MEIS2: variants seen among roughly 807,000 people sequenced by gnomAD.
MEIS2 encodes homeobox protein Meis2.
In MEIS2, 9 loss-of-function variants were observed where a neutral mutation model predicts 58.6. That is an observed-to-expected ratio of 0.15 (90% CI 0.09 to 0.27). The LOEUF is 0.27. Among genes scored for constraint, MEIS2 ranks in the 10% least tolerant of loss-of-function variants. MEIS2 has a pLI of 1.00. For missense variants in MEIS2, 427 were observed against 635.0 expected (o/e 0.67, Z 3.52); for synonymous variants, 221 against 228.4 (o/e 0.97, Z 0.29).
chr15:36,979,541 A>G (rs1364136066), intron 8 of MEIS2, among the ~76,000 whole-genome samples: 1 of 151,880 alleles, frequency 6.6e-6, no homozygotes, highest in South Asian at 2.1e-4. Flanking sequence ...CTTTTTTTTC[A>G]TGGTTACTGA....
chr15:37,042,257 T>C (rs547662663), intron 7 of MEIS2, among the ~76,000 whole-genome samples: 1 of 152,174 alleles, frequency 6.6e-6, no homozygotes, highest in Non-Finnish European at 1.5e-5. Flanking sequence ...AAGCACATGA[T>C]TTGGAATGAA....
chr15:37,045,873 A>T (rs1316587609), intron 7 of MEIS2, among the ~76,000 whole-genome samples: 1 of 152,252 alleles, frequency 6.6e-6, no homozygotes, highest in Non-Finnish European at 1.5e-5. Flanking sequence ...AAGAGAGGAC[A>T]GTGACCCAGG....
At chr15:36,981,836 A>T (rs1352583799) in intron 8 of MEIS2, among the ~76,000 whole-genome samples, 1 of 152,098 alleles carries the variant, frequency 6.6e-6, no homozygotes, top group Non-Finnish European at 1.5e-5. Flanking sequence ...AAGGCAGAGA[A>T]TGGGCAAATT....
At chr15:36,896,486 G>C in intron 10 of MEIS2, 142 bp downstream of exon 10, 1 of 556,572 alleles carries the variant, frequency 1.8e-6, no homozygotes, top group Non-Finnish European at 3.1e-6. Flanking sequence ...GCTTCCTTGA[G>C]TGGGATTCTG....
intron 9 of MEIS2, among the ~76,000 whole-genome samples, chr15:36,939,904 C>T (rs185624797): frequency 2.6e-5 from 4 of 152,126 alleles, no homozygotes; most frequent in African/African-American, 9.7e-5. Context: ...GTAAGCTTTC[C>T]TTCTGTGGCC....
At chr15:36,908,506 T>TA (rs2056849898) in intron 9 of MEIS2, among the ~76,000 whole-genome samples, 2 of 152,222 alleles carry the variant, frequency 1.3e-5, no homozygotes, top group Non-Finnish European at 2.9e-5. Flanking sequence ...AAACACACTG[T>TA]ACGGCAATTT....
chr15:36,959,920 C>T (rs539283941), intron 8 of MEIS2, among the ~76,000 whole-genome samples: 1 of 152,082 alleles, frequency 6.6e-6, no homozygotes, highest in East Asian at 1.9e-4. Flanking sequence ...GACAACAATC[C>T]TACTTAACAG....
chr15:37,044,611 C>A (rs1264503543), intron 7 of MEIS2, among the ~76,000 whole-genome samples: 2 of 152,134 alleles, frequency 1.3e-5, no homozygotes, highest in Non-Finnish European at 2.9e-5. Context: ...TTCTTTCCTC[C>A]TTTCCCATTC....
At chr15:37,047,729 A>G (rs1016283299) in intron 7 of MEIS2, among the ~76,000 whole-genome samples, 16 of 152,196 alleles carry the variant, frequency 1.1e-4, no homozygotes, top group South Asian at 4.1e-4. Flanking sequence ...CCTACAGAAG[A>G]AAAAAGGTGG....
intron 8 of MEIS2, among the ~76,000 whole-genome samples, chr15:36,973,941 G>A (rs940802036): frequency 3.3e-5 from 5 of 152,062 alleles, no homozygotes; most frequent in Admixed American, 6.5e-5. Flanking sequence ...TTGTACTTAC[G>A]TATTTCTAAA....
intron 8 of MEIS2, among the ~76,000 whole-genome samples, chr15:36,952,240 G>C (rs2058776857): frequency 6.6e-6 from 1 of 151,788 alleles, no homozygotes; most frequent in African/African-American, 2.4e-5. Context: ...ACACTGGTTG[G>C]GGTGGGAGGG....
chr15:36,943,207 A>G (rs2058435776), intron 9 of MEIS2, among the ~76,000 whole-genome samples: 1 of 152,148 alleles, frequency 6.6e-6, no homozygotes, highest in African/African-American at 2.4e-5. Context: ...CTTTTAAATC[A>G]TGCAACCCAC....
intron 7 of MEIS2, among the ~76,000 whole-genome samples, chr15:37,042,622 T>C (rs2062475806): frequency 6.6e-6 from 1 of 152,210 alleles, no homozygotes; most frequent in African/African-American, 2.4e-5. Flanking sequence ...CAATGGCAGA[T>C]CCAAACAATG....
chr15:36,998,402 G>A (rs2060605910), intron 8 of MEIS2, among the ~76,000 whole-genome samples: 1 of 151,584 alleles, frequency 6.6e-6, no homozygotes, highest in South Asian at 2.1e-4. Context: ...TTTACTTTTT[G>A]TAGAGATGGG....
At chr15:36,932,520 G>A (rs2058020423) in intron 9 of MEIS2, among the ~76,000 whole-genome samples, 1 of 151,870 alleles carries the variant, frequency 6.6e-6, no homozygotes, top group Non-Finnish European at 1.5e-5. Context: ...TTTAAGATTA[G>A]TTAACATATT....
At chr15:37,031,945 C>G (rs1595969479) in intron 8 of MEIS2, among the ~76,000 whole-genome samples, 1 of 151,340 alleles carries the variant, frequency 6.6e-6, no homozygotes, top group African/African-American at 2.4e-5. Flanking sequence ...CTCAAATGAT[C>G]TTCCCACCTT....
intron 9 of MEIS2, among the ~76,000 whole-genome samples, chr15:36,946,422 GA>G (rs200972390): frequency 0.16 from 11,588 of 71,450 alleles, 612 homozygotes; most frequent in African/African-American, 0.26. Flanking sequence ...AAGAACTGTA[GA>G]AAAAAAAAAA....
intron 8 of MEIS2, among the ~76,000 whole-genome samples, chr15:37,024,364 C>G (rs767959170): frequency 2.6e-5 from 4 of 152,232 alleles, no homozygotes; most frequent in Non-Finnish European, 5.9e-5. Context: ...CCCGTTCTCT[C>G]TCTGCACTGT....
At chr15:36,938,022 T>C (rs2058238332) in intron 9 of MEIS2, among the ~76,000 whole-genome samples, 1 of 152,224 alleles carries the variant, frequency 6.6e-6, no homozygotes, top group Non-Finnish European at 1.5e-5. Context: ...AGTTGGTCTT[T>C]CCACAGTTGG....
Sources: allele counts gnomAD v4.1 joint callset (sites outside exome capture counted in the v4.1 genomes callset), GRCh38; gene constraint gnomAD v4.1.1; transcripts MANE v1.5; gene names NCBI Gene and HGNC (gene_info 2026-07-23, HGNC 2026-07-21).